The following KMT2C variants were observed in gnomAD, a reference collection of about 807,000 sequenced individuals.
The protein encoded by KMT2C is lysine methyltransferase 2C, also known as histone-lysine N-methyltransferase 2C.
A neutral mutation model predicts 507.9 loss-of-function variants in KMT2C; 88 were observed. The observed-to-expected ratio is 0.17, with a 90% CI of 0.15 to 0.21. The LOEUF (loss-of-function observed/expected upper bound fraction) is 0.21, where lower values mean the gene tolerates loss of function less well. Among genes scored for constraint, KMT2C ranks in the 10% least tolerant of loss-of-function variants. The pLI is 1.00. For missense variants in KMT2C, 4,954 were observed against 5,957.8 expected (o/e 0.83, Z 5.55); for synonymous variants, 2,049 against 2,080.8 (o/e 0.98, Z 0.42).
chr7:152,381,233 T>C (rs1226017314), intron 1 of KMT2C, among the ~76,000 whole-genome samples: 1 of 152,118 alleles, frequency 6.6e-6, no homozygotes, highest in African/African-American at 2.4e-5. Context: ...CAATAACATT[T>C]ATTTAGTGGG....
At chr7:152,159,378 C>T (rs1209429393) in intron 43 of KMT2C, among the ~76,000 whole-genome samples, 1 of 152,156 alleles carries the variant, frequency 6.6e-6, no homozygotes, top group African/African-American at 2.4e-5. Flanking sequence ...CTGGGGAACC[C>T]CTTATTCCTG....
chr7:152,165,325 T>C (rs918401422), intron 42 of KMT2C, among the ~76,000 whole-genome samples: 2 of 152,242 alleles, frequency 1.3e-5, no homozygotes, highest in African/African-American at 4.8e-5. Context: ...ATCCCATTTT[T>C]CAAGTATTAG....
In KMT2C at chr7:152,163,556, G is replaced by C; in HGVS notation, c.10021C>G (p.Pro3341Ala). 6.2e-7 allele frequency: 1 copy of C among 1,608,760 alleles called. No homozygotes were observed. The highest frequency in any genetic ancestry group is 8.5e-7 in the Non-Finnish European group (1 of 1,176,632). ...SLPGWQPNSA[P>A]AHLPLNPPRI... is the part of the protein sequence containing the mutation. ...GGAGGATTGAGGGGCAGGTGGGCAG[G>C]AGCACTGTTGGGTTGCCATCCAGGT... Residue 3341 changes from proline to alanine, a missense_variant, in exon 43 of 59, where the codon CCT becomes GCT. Physicochemically the swap from Pro to Ala is conservative, Grantham distance 27. Transcript: ENST00000262189.
At chr7:152,425,320 A>C (rs2116757085) in intron 1 of KMT2C, among the ~76,000 whole-genome samples, 1 of 152,338 alleles carries the variant, frequency 6.6e-6, no homozygotes, top group East Asian at 1.9e-4. Flanking sequence ...TCACACCAGT[A>C]ATCCCTGCAC....
chr7:152,282,891 A>G (rs554428090), intron 6 of KMT2C, among the ~76,000 whole-genome samples: 2 of 152,262 alleles, frequency 1.3e-5, no homozygotes, highest in South Asian at 2.1e-4. Context: ...CTAGAAAATT[A>G]AGAGAATTTT....
At chr7:152,414,094 C>A (rs75996298) in intron 1 of KMT2C, among the ~76,000 whole-genome samples, 1 of 150,946 alleles carries the variant, frequency 6.6e-6, no homozygotes, top group East Asian at 2.0e-4. Context: ...CCTGTGATCC[C>A]AGCTACTCAG....
chr7:152,360,293 C>T (rs1391543655), intron 1 of KMT2C, among the ~76,000 whole-genome samples: 5 of 151,928 alleles, frequency 3.3e-5, no homozygotes, highest in South Asian at 4.2e-4. Context: ...GCCTGGCCTA[C>T]GTGGCGAAAC....
At chr7:152,325,839 C>A (rs772959366) in intron 3 of KMT2C, among the ~76,000 whole-genome samples, 2 of 151,796 alleles carry the variant, frequency 1.3e-5, no homozygotes, top group Non-Finnish European at 2.9e-5. Context: ...ACATTAACTT[C>A]TTTTATTAAT....
In KMT2C at chr7:152,187,481, G is replaced by A; in HGVS notation, c.4794-5C>T. The A allele has an allele frequency of 6.2e-7, 1 of 1,604,836 alleles. No homozygotes were observed. The highest frequency in any genetic ancestry group is 1.1e-5 in the South Asian group (1 of 90,366). On this transcript the variant is annotated splice_region_variant and splice_polypyrimidine_tract_variant and intron_variant, in intron 32 of 58. Coordinates refer to ENST00000262189, the MANE Select transcript of KMT2C (RefSeq NM_170606.3). ...TTAAAGGCTGAATTTTTATCCCTGGGAAAAAATAAATATCTTTACTTTATG... is the reference window on the plus strand; with the variant it reads ...TTAAAGGCTGAATTTTTATCCCTGGAAAAAAATAAATATCTTTACTTTATG...
intron 6 of KMT2C, among the ~76,000 whole-genome samples, chr7:152,295,812 A>G (rs1450226975): frequency 6.6e-6 from 1 of 152,176 alleles, no homozygotes; most frequent in African/African-American, 2.4e-5. Context: ...CACGCCTGTA[A>G]TCCCAGCACT....
intron 1 of KMT2C, among the ~76,000 whole-genome samples, chr7:152,410,269 G>A (rs71217101): frequency 2.9e-3 from 387 of 135,742 alleles, no homozygotes; most frequent in African/African-American, 3.8e-3. Flanking sequence ...AAAATTAGCT[G>A]GGCATAGTGG....
intron 40 of KMT2C, 102 bp from the exon 41 acceptor site, chr7:152,169,351 C>G: frequency 1.5e-6 from 1 of 689,494 alleles, no homozygotes. Context: ...GAAGAAAAAA[C>G]CCTTTAATTT....
intron 1 of KMT2C, among the ~76,000 whole-genome samples, chr7:152,372,903 T>A (rs990711471): frequency 6.6e-6 from 1 of 152,208 alleles, no homozygotes; most frequent in African/African-American, 2.4e-5. Context: ...AGCAGCTGAA[T>A]ATACATTCTT....
At chr7:152,159,761 T>A (rs1315491862) in intron 43 of KMT2C, among the ~76,000 whole-genome samples, 1 of 152,220 alleles carries the variant, frequency 6.6e-6, no homozygotes, top group East Asian at 1.9e-4. Context: ...TTAAGGGTAG[T>A]CCTATCAGTA....
chr7:152,331,682 C>CT (rs2096885400), intron 2 of KMT2C, among the ~76,000 whole-genome samples: 2 of 130,592 alleles, frequency 1.5e-5, no homozygotes, highest in East Asian at 4.5e-4. Context: ...GAGTCTCGCT[C>CT]TGTCCACCCA....
At chr7:152,150,429 C>CA (rs2091511623) in intron 51 of KMT2C, among the ~76,000 whole-genome samples, 1 of 152,008 alleles carries the variant, frequency 6.6e-6, no homozygotes, top group African/African-American at 2.4e-5. Flanking sequence ...CCAGCCTGGC[C>CA]AACATGGTGA....
intron 3 of KMT2C, among the ~76,000 whole-genome samples, chr7:152,320,879 T>G (rs924825116): frequency 3.9e-5 from 6 of 152,000 alleles, no homozygotes; most frequent in Non-Finnish European, 8.8e-5. Context: ...ACCAACATCA[T>G]GCAGGCAACA....
At chr7:152,209,179 A>G (rs1441772065) in intron 23 of KMT2C, among the ~76,000 whole-genome samples, 1 of 150,902 alleles carries the variant, frequency 6.6e-6, no homozygotes, top group African/African-American at 2.4e-5. Flanking sequence ...AAAAAAGGCC[A>G]GGCACGGTGG....
intron 1 of KMT2C, among the ~76,000 whole-genome samples, chr7:152,426,230 G>GTTTTTTTT (rs10709636): frequency 2.1e-5 from 2 of 94,566 alleles, no homozygotes; most frequent in African/African-American, 4.3e-5. Flanking sequence ...TTATGTCATA[G>GTTTTTTTT]TTTTTTTTTT....
Sources: allele counts gnomAD v4.1 joint callset (sites outside exome capture counted in the v4.1 genomes callset), GRCh38; gene constraint gnomAD v4.1.1; transcripts MANE v1.5; gene names NCBI Gene and HGNC (gene_info 2026-07-23, HGNC 2026-07-21).